C2CD2: variants seen among roughly 807,000 people sequenced by gnomAD.
C2CD2 encodes C2 domain-containing protein 2.
In C2CD2, 43 loss-of-function variants were observed where a neutral mutation model predicts 74.3. That is an observed-to-expected ratio of 0.58 (90% CI 0.45 to 0.75). The LOEUF (loss-of-function observed/expected upper bound fraction) is 0.75, where lower values mean the gene tolerates loss of function less well. Ranked by LOEUF, C2CD2 falls within the 30% of genes least tolerant of loss-of-function variation. C2CD2 has a pLI of 0.00. For synonymous variants in C2CD2, 422 were observed against 390.7 expected, an observed-to-expected ratio of 1.08 and a Z score of -0.94; for missense variants, 801 against 916.3, an observed-to-expected ratio of 0.87 and a Z score of 1.63.
At position 41,929,116 on chromosome 21, in the gene C2CD2, AG is replaced by A. The variant is rs1319882655; in HGVS notation, c.379-7032del. On this transcript the variant is annotated intron_variant, in intron 2 of 13. Coordinates refer to ENST00000380486, the MANE Select transcript of C2CD2 (RefSeq NM_015500.2). The surrounding 1 kb of genome is among the most constrained non-coding windows in gnomAD (Gnocchi z 4.6). ...TATTTAAAAAGTAAAAAAAAAAAAAAGTAATAAAAATGCAAAAAGATCACAC... is the reference window on the plus strand; with the variant it reads ...TATTTAAAAAGTAAAAAAAAAAAAAATAATAAAAATGCAAAAAGATCACAC... Among the ~76,000 whole-genome samples, 2 of 151,822 alleles carry A rather than the reference AG, an allele frequency of 1.3e-5. No individual in the cohort carries two copies. Among genetic ancestry groups the A allele is most frequent in the East Asian group, 1.9e-4 (1 of 5,176 alleles).
In C2CD2 at chr21:41,953,508, C is replaced by A. The variant is rs770570222; in HGVS notation, c.141G>T (p.Arg47=). 6.7e-7 allele frequency: 1 copy of A among 1,487,036 alleles called. No individual in the cohort carries two copies. The highest frequency in any genetic ancestry group is 1.5e-5 in the African/African-American group (1 of 68,436). The allele number at this position is 1,487,036 out of a possible 1,614,324, so 92.1% of individuals were successfully genotyped here. The change falls in exon 1 of 14, where the codon CGG becomes CGT. Residue 47 remains arginine (R), a synonymous_variant. Coordinates refer to ENST00000380486, the MANE Select transcript of C2CD2 (RefSeq NM_015500.2). ...ALARARPQPQ[R]RAVEPGEGPR... is the part of the protein sequence containing the mutation. The stretch of plus-strand genomic sequence containing the variant: ...GCCCCTCTCCAGGCTCCACCGCCCG[C>A]CGCTGGGGCTGGGGTCGCGCCCTGG...
At chr21:41,904,411 G>A (rs2064936192) in intron 11 of C2CD2, among the ~76,000 whole-genome samples, 1 of 152,182 alleles carries the variant, frequency 6.6e-6, no homozygotes, top group Non-Finnish European at 1.5e-5. Flanking sequence ...CCAGCAGCCC[G>A]TACGGGTTCT....
intron 8 of C2CD2, 32 bp from the exon 9 acceptor site, chr21:41,907,816 G>C: frequency 6.2e-7 from 1 of 1,613,214 alleles, no homozygotes. Context: ...AAGGGGTGCC[G>C]CTGATGTTTC....
In C2CD2 at chr21:41,916,444, C is replaced by T. The variant is rs139236061; in HGVS notation, c.720+1661G>A. On this transcript the variant is annotated intron_variant, in intron 5 of 13. Coordinates refer to ENST00000380486, the MANE Select transcript of C2CD2 (RefSeq NM_015500.2). ...AAGGAAACTCCTTCACTGCTTGAGC[C>T]GGGAAAGGGGCCTTTTCCTGCCTTC... 9.2e-5 allele frequency among the ~76,000 whole-genome samples: 14 copies of T among 151,664 alleles called. No individual in the cohort carries two copies. The East Asian group carries it at 2.3e-3, about 25-fold the overall frequency.
At chr21:41,918,280 T>TC (rs1192216313) in intron 4 of C2CD2, 53 bp from the exon 5 acceptor site, 2 of 1,596,550 alleles carry the variant, frequency 1.3e-6, no homozygotes, top group African/African-American at 2.7e-5. Flanking sequence ...CACTCCCTGC[T>TC]CCCAATCTCA....
intron 3 of C2CD2, among the ~76,000 whole-genome samples, chr21:41,921,352 C>T (rs546394879): frequency 2.6e-5 from 4 of 152,186 alleles, no homozygotes; most frequent in South Asian, 2.1e-4. Context: ...ATGTGAGAGA[C>T]GCACAGCTCT....
chr21:41,889,921 G>T (rs76500573), intron 13 of C2CD2, among the ~76,000 whole-genome samples: 2,010 of 152,248 alleles, frequency 0.013, 41 homozygotes, highest in African/African-American at 0.046. Flanking sequence ...TGGGATTACA[G>T]GCATGAGCCA....
intron 3 of C2CD2, among the ~76,000 whole-genome samples, chr21:41,921,350 G>A (rs1239358940): frequency 1.3e-5 from 2 of 152,212 alleles, no homozygotes; most frequent in Non-Finnish European, 2.9e-5. Flanking sequence ...GGATGTGAGA[G>A]ACGCACAGCT....
intron 1 of C2CD2, 142 bp from the exon 2 acceptor site, chr21:41,942,387 T>C: frequency 1.5e-6 from 1 of 668,246 alleles, no homozygotes; most frequent in South Asian, 2.0e-5. Flanking sequence ...ATAGCAGCAA[T>C]GGCTAAATAT....
At chr21:41,950,273 G>C (rs2065439582) in intron 1 of C2CD2, among the ~76,000 whole-genome samples, 1 of 152,228 alleles carries the variant, frequency 6.6e-6, no homozygotes, top group Non-Finnish European at 1.5e-5. Context: ...GCGGATGTGG[G>C]GGGCAGGCAC....
chr21:41,900,271 C>A (rs1376770627), intron 12 of C2CD2, among the ~76,000 whole-genome samples: 1 of 151,814 alleles, frequency 6.6e-6, no homozygotes, highest in African/African-American at 2.4e-5. Context: ...GAGACTCCGT[C>A]TCAAAAAAAT....
intron 1 of C2CD2, among the ~76,000 whole-genome samples, chr21:41,948,095 G>A (rs1043430277): frequency 2.0e-5 from 3 of 152,242 alleles, no homozygotes; most frequent in African/African-American, 4.8e-5. Context: ...AAAGTCATCA[G>A]AGCCTCCTTT....
At chr21:41,927,666 T>G (rs1018434652) in intron 2 of C2CD2, among the ~76,000 whole-genome samples, 3 of 152,134 alleles carry the variant, frequency 2.0e-5, no homozygotes, top group African/African-American at 7.2e-5. Flanking sequence ...AGACGGGGTT[T>G]CACTATGTTG....
intron 13 of C2CD2, among the ~76,000 whole-genome samples, chr21:41,893,796 G>A (rs2064788011): frequency 6.8e-6 from 1 of 146,518 alleles, no homozygotes; most frequent in South Asian, 2.1e-4. Context: ...CCGCCTCCCA[G>A]GCTCAAGCGA....
chr21:41,916,634 G>A (rs1382358668), intron 5 of C2CD2, among the ~76,000 whole-genome samples: 2 of 148,780 alleles, frequency 1.3e-5, no homozygotes, highest in Non-Finnish European at 3.0e-5. Flanking sequence ...ATCTCAGGAC[G>A]TACCAGCCTT....
intron 13 of C2CD2, among the ~76,000 whole-genome samples, chr21:41,898,058 C>A (rs2064844902): frequency 1.3e-5 from 2 of 152,220 alleles, no homozygotes; most frequent in African/African-American, 4.8e-5. Context: ...GAACAGAGGA[C>A]AAAAGGCAGC....
In C2CD2 at chr21:41,943,374, C is replaced by T. The variant is rs540830256; in HGVS notation, c.280-1129G>A. Among the ~76,000 whole-genome samples, 206 of 152,278 alleles carry T rather than the reference C, an allele frequency of 1.4e-3. 1 individual carries two copies. The highest frequency in any genetic ancestry group is 2.7e-3 in the Non-Finnish European group (182 of 68,016). ...AGGCAACAAGGCCAACGTTTTATGA[C>T]GAAGAACCCAGGGCTTATGTGACCA... is the stretch of plus-strand genomic sequence containing the variant. On this transcript the variant is annotated intron_variant, in intron 1 of 13. Transcript: ENST00000380486.
At chr21:41,952,315 C>T (rs1239870473) in intron 1 of C2CD2, among the ~76,000 whole-genome samples, 2 of 152,204 alleles carry the variant, frequency 1.3e-5, no homozygotes, top group African/African-American at 2.4e-5. Context: ...AATTCCATGG[C>T]CATGTCTTCC....
intron 1 of C2CD2, among the ~76,000 whole-genome samples, chr21:41,948,575 AC>A (rs2065421735): frequency 6.6e-6 from 1 of 152,220 alleles, no homozygotes; most frequent in Admixed American, 6.5e-5. Flanking sequence ...AGAAGGGGTC[AC>A]GGTGGAGGGT....
Sources: allele counts gnomAD v4.1 joint callset (sites outside exome capture counted in the v4.1 genomes callset), GRCh38; gene constraint gnomAD v4.1.1; non-coding constraint Gnocchi (gnomAD v3.1); transcripts MANE v1.5; gene names NCBI Gene and HGNC (gene_info 2026-07-23, HGNC 2026-07-21).